The following PCDHA2 variants were observed in gnomAD, a reference collection of about 807,000 sequenced individuals.
PCDHA2 encodes protocadherin alpha-2.
PCDHA2 carries 58 observed loss-of-function variants against 66.0 expected under a neutral mutation model. That is an observed-to-expected ratio of 0.88 (90% CI 0.71 to 1.09). The LOEUF (loss-of-function observed/expected upper bound fraction) is 1.09. Ranked by LOEUF, PCDHA2 falls within the 50% of genes least tolerant of loss-of-function variation. The probability of loss-of-function intolerance (pLI) is 0.00; values close to 1 mark genes in which losing one functional copy is unlikely to be tolerated. For synonymous variants in PCDHA2, 634 were observed against 554.0 expected (o/e 1.14, Z -2.03); for missense variants, 1,267 against 1,242.3 (o/e 1.02, Z -0.30).
chr5:140,848,597 C>G lies in PCDHA2; in HGVS notation c.2388+51245C>G, dbSNP rs151001396. 6,374 of 1,580,604 alleles carry G rather than the reference C, an allele frequency of 4.0e-3. 857 individuals carry two copies. Among genetic ancestry groups the G allele is most frequent in the South Asian group, 0.012 (1,061 of 88,252 alleles). On this transcript the variant is annotated intron_variant, in intron 1 of 3. Transcript: ENST00000526136. ...TGGGGAGCGGCCAGCTCCACTACTC[C>G]GTCCCGGAGGAAGCCGAACACGGCA...
chr5:140,892,069 A>G (rs1554185062), intron 1 of PCDHA2, among the ~76,000 whole-genome samples: 3 of 152,208 alleles, frequency 2.0e-5, no homozygotes, highest in Non-Finnish European at 2.9e-5. Flanking sequence ...GTTACTTTGT[A>G]TAATTTCTAG....
chr5:140,811,938 C>T (rs920175473), intron 1 of PCDHA2: 4 of 152,080 alleles, frequency 2.6e-5, no homozygotes, highest in Admixed American at 2.0e-4. Context: ...AATTTTCTCC[C>T]ATTCTGTAGG....
intron 1 of PCDHA2, among the ~76,000 whole-genome samples, chr5:140,976,481 G>A (rs549195125): frequency 6.6e-6 from 1 of 152,160 alleles, no homozygotes; most frequent in South Asian, 2.1e-4. Flanking sequence ...AATCCGGGAG[G>A]CAGAGGTTGC....
intron 1 of PCDHA2, among the ~76,000 whole-genome samples, chr5:140,873,657 C>A (rs1270824058): frequency 6.6e-6 from 1 of 152,090 alleles, no homozygotes; most frequent in Non-Finnish European, 1.5e-5. Context: ...ACATAACACA[C>A]TATTATTATT....
intron 1 of PCDHA2, among the ~76,000 whole-genome samples, chr5:140,905,614 A>T (rs1167406063): frequency 6.6e-6 from 1 of 152,094 alleles, no homozygotes; most frequent in Non-Finnish European, 1.5e-5. Flanking sequence ...GAATCTATAG[A>T]TTGCTTTTGA....
At chr5:140,897,667 A>G (rs2066254740) in intron 1 of PCDHA2, among the ~76,000 whole-genome samples, 1 of 152,134 alleles carries the variant, frequency 6.6e-6, no homozygotes, top group Non-Finnish European at 1.5e-5. Context: ...ATGTGTCTTT[A>G]TAGCAGCATG....
At chr5:140,840,785 T>G (rs1342806305) in intron 1 of PCDHA2, among the ~76,000 whole-genome samples, 1 of 152,086 alleles carries the variant, frequency 6.6e-6, no homozygotes, top group African/African-American at 2.4e-5. Flanking sequence ...TAGAATTATA[T>G]GCTCACCTCA....
intron 1 of PCDHA2, chr5:140,858,677 T>A (rs1480959792): frequency 3.2e-6 from 2 of 629,026 alleles, no homozygotes; most frequent in African/African-American, 3.7e-5. Context: ...TTATTCTGAA[T>A]ACACTAATAT....
intron 1 of PCDHA2, chr5:140,807,605 C>T: frequency 6.2e-7 from 1 of 1,614,208 alleles, no homozygotes; most frequent in Non-Finnish European, 8.5e-7. Flanking sequence ...ACAAAAGAAC[C>T]TGTCCATCGC....
chr5:140,860,841 T>C (rs251367), intron 1 of PCDHA2: 102,021 of 152,038 alleles, frequency 0.67, 34,407 homozygotes, highest in Middle Eastern at 0.71. Context: ...AGGTTCACGC[T>C]ATTCTCCTGC....
chr5:140,986,372 G>A lies in PCDHA2; in HGVS notation c.2536+3809G>A, dbSNP rs570215048. ...TCTTCAGATGGAGGAATGCGTTTTG[G>A]GGGGAGGGACATTAAAGGGCCAGTC... On this transcript the variant is annotated intron_variant, in intron 3 of 3. Coordinates refer to ENST00000526136, the MANE Select transcript of PCDHA2 (RefSeq NM_018905.3). Among the ~76,000 whole-genome samples, 23 of 152,248 alleles carry A rather than the reference G, an allele frequency of 1.5e-4. No homozygotes were observed. In the East Asian group the frequency reaches 1.7e-3, roughly 12 times the overall value.
rs782671966 is a variant in PCDHA2 at position 140,857,602 on chromosome 5, G to T, written c.2388+60250G>T. ...ACGCGGAGAGCGGCAAGGTGTACGCGCTGCAGCCGCTGGACCACGAGGAGC... is the reference window on the plus strand; with the variant it reads ...ACGCGGAGAGCGGCAAGGTGTACGCTCTGCAGCCGCTGGACCACGAGGAGC... On this transcript the variant is annotated intron_variant, in intron 1 of 3. Coordinates refer to ENST00000526136, the MANE Select transcript of PCDHA2 (RefSeq NM_018905.3). 17 of 1,596,266 alleles carry T rather than the reference G, an allele frequency of 1.1e-5. 1 individual carries two copies. Among genetic ancestry groups the T allele is most frequent in the Non-Finnish European group, 1.5e-5 (17 of 1,167,710 alleles).
At chr5:140,805,775 A>G in intron 1 of PCDHA2, 1 of 200,574 alleles carries the variant, frequency 5.0e-6, no homozygotes, top group Non-Finnish European at 8.9e-6. Context: ...GGAAATGTCT[A>G]GAGACTTTTT....
intron 1 of PCDHA2, chr5:140,883,598 G>T (rs782009650): frequency 1.2e-6 from 2 of 1,614,008 alleles, no homozygotes; most frequent in Middle Eastern, 1.7e-4. Flanking sequence ...CGTGTCGGTG[G>T]GGGTGGCCGA....
intron 1 of PCDHA2, chr5:140,859,188 C>T (rs2045759773): frequency 6.7e-6 from 1 of 149,820 alleles, no homozygotes; most frequent in Non-Finnish European, 1.5e-5. Flanking sequence ...TTAGGCATTG[C>T]TTATGATATT....
intron 1 of PCDHA2, chr5:140,876,767 C>T (rs1462172871): frequency 1.2e-6 from 2 of 1,614,194 alleles, no homozygotes; most frequent in South Asian, 1.1e-5. Flanking sequence ...GATGGGGGCT[C>T]GCCTTCGCTG....
chr5:140,808,080 T>G, intron 1 of PCDHA2: 1 of 1,614,046 alleles, frequency 6.2e-7, no homozygotes, highest in Non-Finnish European at 8.5e-7. Flanking sequence ...ATAGATCCAA[T>G]TACTGGACAA....
At chr5:140,931,183 T>C (rs1225985669) in intron 1 of PCDHA2, among the ~76,000 whole-genome samples, 2 of 152,158 alleles carry the variant, frequency 1.3e-5, no homozygotes, top group Non-Finnish European at 2.9e-5. Context: ...GGGAAGGAAA[T>C]TGGTGCACTA....
intron 1 of PCDHA2, among the ~76,000 whole-genome samples, chr5:140,938,340 T>A (rs1210571018): frequency 6.6e-6 from 1 of 152,224 alleles, no homozygotes; most frequent in Non-Finnish European, 1.5e-5. Flanking sequence ...TAATGGATAA[T>A]CTTGTCTTAT....
Sources: allele counts gnomAD v4.1 joint callset (sites outside exome capture counted in the v4.1 genomes callset), GRCh38; gene constraint gnomAD v4.1.1; transcripts MANE v1.5; gene names NCBI Gene and HGNC (gene_info 2026-07-23, HGNC 2026-07-21).